Variants in DEPTOR observed in about 807,000 individuals in gnomAD.
DEPTOR encodes DEP domain containing MTOR interacting protein, also known as DEP domain-containing mTOR-interacting protein.
In DEPTOR, 41 loss-of-function variants were observed where a neutral mutation model predicts 41.6. The observed-to-expected ratio is 0.98, with a 90% CI of 0.77 to 1.28. DEPTOR has a LOEUF of 1.28. Ranked by LOEUF, DEPTOR falls within the 50% of genes most tolerant of loss-of-function variation. DEPTOR has a pLI of 0.00. For synonymous variants in DEPTOR, 195 were observed against 192.3 expected (o/e 1.01, Z -0.12); for missense variants, 514 against 527.9 (o/e 0.97, Z 0.26).
chr8:119,916,629 C>G (rs1333604280), intron 1 of DEPTOR, among the ~76,000 whole-genome samples: 1 of 152,198 alleles, frequency 6.6e-6, no homozygotes, highest in Non-Finnish European at 1.5e-5. Flanking sequence ...TATCCAACTG[C>G]CCCTGCACAG....
intron 4 of DEPTOR, among the ~76,000 whole-genome samples, chr8:119,980,169 A>C (rs1828744400): frequency 2.6e-5 from 4 of 152,282 alleles, no homozygotes; most frequent in South Asian, 4.1e-4. Flanking sequence ...GCAAAAAAAA[A>C]AAAAGGAGGA....
At position 119,954,836 on chromosome 8, in the gene DEPTOR, G is replaced by A. The variant is rs575048500; in HGVS notation, c.426-10396G>A. Among the ~76,000 whole-genome samples the A allele has an allele frequency of 4.5e-5, 6 of 133,026 alleles. No individual in the cohort carries two copies. The South Asian group carries it at 1.3e-3, about 28-fold the overall frequency. The allele number at this position is 133,026 out of a possible 152,430, so 87.3% of individuals were successfully genotyped here. ...AAAACCTGGTGAGTGCTTGCAGCAG[G>A]CAAATATTGGTGTGTGTGTGTGTGT... On this transcript the variant is annotated intron_variant, in intron 3 of 8. Transcript: ENST00000286234.
chr8:120,041,347 T>C (rs1236569009), intron 8 of DEPTOR, among the ~76,000 whole-genome samples: 1 of 152,180 alleles, frequency 6.6e-6, no homozygotes, highest in Non-Finnish European at 1.5e-5. Flanking sequence ...CAGAGGATTA[T>C]CGTACATCTG....
chr8:119,993,494 A>G (rs1225620091), intron 4 of DEPTOR, among the ~76,000 whole-genome samples: 2 of 152,244 alleles, frequency 1.3e-5, no homozygotes, highest in East Asian at 3.8e-4. Context: ...GTTTTCAATT[A>G]CAACTGGTAA....
intron 3 of DEPTOR, among the ~76,000 whole-genome samples, chr8:119,931,437 G>T (rs1431451417): frequency 3.3e-5 from 5 of 152,164 alleles, no homozygotes; most frequent in Non-Finnish European, 5.9e-5. Flanking sequence ...GCTGTTGTGG[G>T]AGTTAAACGA....
rs762999704 is a variant in DEPTOR, at chr8:119,873,834, C to G, written c.-13C>G. On this transcript the variant is annotated 5_prime_UTR_variant, in exon 1 of 9. Coordinates refer to ENST00000286234, the MANE Select transcript of DEPTOR (RefSeq NM_022783.4). The stretch of plus-strand genomic sequence containing the variant: ...GACAGCGGAGCCAGTGGTAGCCGCA[C>G]GGCCCTAAAACCATGGAGGAGGGCG... The G allele has an allele frequency of 6.2e-7, 1 of 1,609,972 alleles. No individual in the cohort carries two copies. The highest frequency in any genetic ancestry group is 8.5e-7 in the Non-Finnish European group (1 of 1,178,068).
chr8:120,010,380 T>G (rs1254580595), intron 8 of DEPTOR, among the ~76,000 whole-genome samples: 1 of 152,058 alleles, frequency 6.6e-6, no homozygotes, highest in African/African-American at 2.4e-5. Flanking sequence ...CTTGGGAGGC[T>G]GAGGCGGGTG....
At chr8:119,890,144 G>A (rs143529643) in intron 1 of DEPTOR, among the ~76,000 whole-genome samples, 1 of 151,700 alleles carries the variant, frequency 6.6e-6, no homozygotes, top group Non-Finnish European at 1.5e-5. Flanking sequence ...TTTGTATTTC[G>A]GGTCAAGACA....
At chr8:119,952,629 T>C (rs1298500380) in intron 3 of DEPTOR, among the ~76,000 whole-genome samples, 1 of 152,202 alleles carries the variant, frequency 6.6e-6, no homozygotes, top group South Asian at 2.1e-4. Context: ...GCCGTGTCCA[T>C]GTGTTCTCAT....
intron 1 of DEPTOR, among the ~76,000 whole-genome samples, chr8:119,921,771 TG>T (rs1362084277): frequency 9.6e-5 from 14 of 146,224 alleles, no homozygotes; most frequent in African/African-American, 8.1e-5. Flanking sequence ...TTTGTTTGTT[TG>T]TTTTTTGAAA....
intron 3 of DEPTOR, among the ~76,000 whole-genome samples, chr8:119,946,682 C>T (rs895484007): frequency 6.6e-6 from 1 of 151,680 alleles, no homozygotes; most frequent in Non-Finnish European, 1.5e-5. Context: ...TGCGGTGAGC[C>T]GAGATTGTAC....
chr8:119,996,055 G>C (rs1474094220), intron 4 of DEPTOR, among the ~76,000 whole-genome samples: 1 of 152,204 alleles, frequency 6.6e-6, no homozygotes, highest in Non-Finnish European at 1.5e-5. Flanking sequence ...AACAATGCAA[G>C]TGATACATAC....
At chr8:119,991,344 C>T (rs559032107) in intron 4 of DEPTOR, among the ~76,000 whole-genome samples, 2 of 151,960 alleles carry the variant, frequency 1.3e-5, no homozygotes, top group South Asian at 2.1e-4. Context: ...GAAACAGTGT[C>T]TCGCTCTGTT....
intron 8 of DEPTOR, among the ~76,000 whole-genome samples, chr8:120,041,755 C>A (rs1052002995): frequency 6.6e-6 from 1 of 152,112 alleles, no homozygotes; most frequent in African/African-American, 2.4e-5. Context: ...CCAGGCTGGT[C>A]TTGAACTCAT....
rs956569657 is a variant in DEPTOR, at chr8:120,050,426, T to G, written c.*722T>G. 2.6e-5 allele frequency: 4 copies of G among 152,232 alleles called. No individual in the cohort carries two copies. The highest frequency in any genetic ancestry group is 9.6e-5 in the African/African-American group (4 of 41,466). 9.4% of individuals were successfully genotyped at this position (152,232 alleles called of 1,614,324 possible). A position where few individuals can be genotyped will look rare whatever the true frequency, so the allele number is the denominator to read the frequency against. On this transcript the variant is annotated 3_prime_UTR_variant, in exon 9 of 9. Coordinates refer to ENST00000286234, the MANE Select transcript of DEPTOR (RefSeq NM_022783.4). ...AAATCATTTTGTTTTATAAATCAGC[T>G]ATAGCATCTTTCTAGAATTAATCCT...
At chr8:119,980,645 G>A (rs568218963) in intron 4 of DEPTOR, among the ~76,000 whole-genome samples, 1 of 151,658 alleles carries the variant, frequency 6.6e-6, no homozygotes, top group African/African-American at 2.4e-5. Context: ...AGCCTCCCAA[G>A]CAGCTGGGAT....
chr8:119,992,241 C>G (rs1812184916), intron 4 of DEPTOR, among the ~76,000 whole-genome samples: 1 of 152,174 alleles, frequency 6.6e-6, no homozygotes, highest in African/African-American at 2.4e-5. Flanking sequence ...CCCCAGCCAC[C>G]CTTGTGCACT....
At chr8:119,970,537 C>T (rs184128271) in intron 4 of DEPTOR, among the ~76,000 whole-genome samples, 10 of 152,240 alleles carry the variant, frequency 6.6e-5, no homozygotes, top group African/African-American at 9.6e-5. Flanking sequence ...GATTTAGATG[C>T]GGCTTTTTCA....
At chr8:119,944,747 T>A (rs994724956) in intron 3 of DEPTOR, among the ~76,000 whole-genome samples, 1 of 151,080 alleles carries the variant, frequency 6.6e-6, no homozygotes. Context: ...CTCCGCCTCC[T>A]GGGTTTAAGC....
Sources: allele counts gnomAD v4.1 joint callset (sites outside exome capture counted in the v4.1 genomes callset), GRCh38; gene constraint gnomAD v4.1.1; transcripts MANE v1.5; gene names NCBI Gene and HGNC (gene_info 2026-07-23, HGNC 2026-07-21).